The following ATP2B3 variants were observed in gnomAD, a reference collection of about 807,000 sequenced individuals.
The protein encoded by ATP2B3 is plasma membrane calcium-transporting ATPase 3.
ATP2B3 carries 12 observed loss-of-function variants against 70.8 expected under a neutral mutation model. The observed-to-expected ratio is 0.17, with a 90% CI of 0.11 to 0.27. The LOEUF (loss-of-function observed/expected upper bound fraction) is 0.27. Ranked by LOEUF, ATP2B3 falls within the 10% of genes least tolerant of loss-of-function variation. ATP2B3 has a pLI of 1.00. For synonymous variants in ATP2B3, 460 were observed against 497.8 expected, an observed-to-expected ratio of 0.92 and a Z score of 1.01; for missense variants, 858 against 1,118.5, an observed-to-expected ratio of 0.77 and a Z score of 3.32.
At chrX:153,538,185 C>T (rs782724389) in intron 3 of ATP2B3, among the ~76,000 whole-genome samples, 49 of 113,098 alleles carry the variant, frequency 4.3e-4, no homozygotes, top group African/African-American at 1.4e-3. Flanking sequence ...CACCCGGACC[C>T]TGGTGCTCAG....
chrX:153,536,025 C>T, intron 2 of ATP2B3, 97 bp from the exon 3 acceptor site: 1 of 456,583 alleles, frequency 2.2e-6, no homozygotes, highest in Non-Finnish European at 3.9e-6. Context: ...GGTCATGGCA[C>T]AGACTGAGTG....
At chrX:153,537,857 G>C (rs1569533884) in intron 3 of ATP2B3, among the ~76,000 whole-genome samples, 1 of 112,644 alleles carries the variant, frequency 8.9e-6, no homozygotes, top group Non-Finnish European at 1.9e-5. Flanking sequence ...TATTTAAAAT[G>C]TCAAGGCCCC....
At chrX:153,555,185 C>T (rs2090516403) in intron 13 of ATP2B3, among the ~76,000 whole-genome samples, 1 of 110,881 alleles carries the variant, frequency 9.0e-6, no homozygotes, top group Non-Finnish European at 1.9e-5. Flanking sequence ...GAGTGGGGCC[C>T]CCAGCTGTCT....
intron 21 of ATP2B3, chrX:153,569,509 C>T: frequency 9.9e-7 from 1 of 1,006,310 alleles, no homozygotes; most frequent in Non-Finnish European, 1.4e-6. Context: ...ACCCTATGTG[C>T]CCAGTGGTGG....
In ATP2B3 at chrX:153,557,027, A is replaced by G. The variant is rs781870472; in HGVS notation, c.2433+4A>G. ...GGCGGACGTGGGCTTCGCCATGGTA[A>G]GCCACCTGGTGCCCGCCCAGCTCAC... is the stretch of plus-strand genomic sequence containing the variant. On this transcript the variant is annotated splice_donor_region_variant and intron_variant, in intron 16 of 21. Coordinates refer to ENST00000263519, the MANE Select transcript of ATP2B3 (RefSeq NM_001001344.3). 1.7e-6 allele frequency: 2 copies of G among 1,171,991 alleles called. No homozygotes were observed. Among genetic ancestry groups the G allele is most frequent in the African/African-American group, 3.5e-5 (2 of 56,479 alleles).
At position 153,581,349 on chromosome X, in the gene ATP2B3, G is replaced by A; in HGVS notation, c.*1051G>A. Reference sequence around the variant, plus strand: ...GAAAAAACCAAAATATTGATGAGAAGGAGTCCTCCAGTTAGTGAAAGGGGA... The same window carrying A: ...GAAAAAACCAAAATATTGATGAGAAAGAGTCCTCCAGTTAGTGAAAGGGGA... On this transcript the variant is annotated 3_prime_UTR_variant, in exon 22 of 22. Transcript: ENST00000263519. 8.9e-6 allele frequency: 1 copy of A among 112,009 alleles called. No individual in the cohort carries two copies. The highest frequency in any genetic ancestry group is 2.8e-4 in the East Asian group (1 of 3,547). 9.2% of individuals were successfully genotyped at this position (112,009 alleles called of 1,213,427 possible).
In ATP2B3 at chrX:153,549,636, C is replaced by A; in HGVS notation, c.1478C>A (p.Thr493Asn). 8.2e-7 allele frequency: 1 copy of A among 1,212,379 alleles called. No homozygotes were observed. The highest frequency in any genetic ancestry group is 2.3e-4 in the Middle Eastern group (1 of 4,356). The change falls in exon 11 of 22, where the codon ACC (threonine) becomes AAC (asparagine). Residue 493 changes from threonine to asparagine, a missense_variant. Thr to Asn is a moderately conservative substitution (Grantham distance 65). Transcript: ENST00000263519. ...MTVVQSYLGD[T>N]HYKEIPAPSA... ...GTGGTCCAGTCCTACCTAGGAGACA[C>A]CCACTACAAAGAGATTCCGGCCCCC...
chrX:153,568,857 A>G (rs1327882023), intron 21 of ATP2B3, among the ~76,000 whole-genome samples: 2 of 112,564 alleles, frequency 1.8e-5, no homozygotes, highest in Non-Finnish European at 3.8e-5. Context: ...TGGGCTCCAG[A>G]TGCGCACACT....
At position 153,536,336 on chromosome X, in the gene ATP2B3, C is replaced by G; in HGVS notation, c.89C>G (p.Thr30Arg). The G allele has an allele frequency of 8.3e-7, 1 of 1,198,984 alleles. No individual in the cohort carries two copies. The highest frequency in any genetic ancestry group is 1.1e-6 in the Non-Finnish European group (1 of 889,303). Residue 30 changes from threonine to arginine, a missense_variant, in exon 3 of 22, where the codon ACG becomes AGG. Around this residue, in one of 5 missense-constraint regions of ATP2B3, gnomAD observed 278 missense variants for 366.2 expected, o/e 0.76. Transcript: ENST00000263519. ...CCCCAGGCTGGAGGCTTTGGGTGCA[C>G]GCTGGCGGAGCTGCGCACCCTCATG... ...DVPQAGGFGC[T>R]LAELRTLMEL...
intron 21 of ATP2B3, chrX:153,569,842 TC>T: frequency 9.5e-7 from 1 of 1,047,272 alleles, no homozygotes; most frequent in Non-Finnish European, 1.3e-6. Context: ...TCTTTTGCAG[TC>T]TTGCATTCCG....
chrX:153,553,631 G>C (rs2090491708), intron 13 of ATP2B3, among the ~76,000 whole-genome samples: 1 of 112,177 alleles, frequency 8.9e-6, no homozygotes, highest in Non-Finnish European at 1.9e-5. Flanking sequence ...GCGTTTATTG[G>C]TTGAGGGTTT....
At chrX:153,558,896 C>T (rs1603096546) in intron 17 of ATP2B3, among the ~76,000 whole-genome samples, 1 of 111,432 alleles carries the variant, frequency 9.0e-6, no homozygotes, top group African/African-American at 3.3e-5. Context: ...TGAGTTTCTG[C>T]GTGGGCTATG....
At chrX:153,527,338 G>A (rs1176895106) in intron 2 of ATP2B3, among the ~76,000 whole-genome samples, 6 of 112,954 alleles carry the variant, frequency 5.3e-5, no homozygotes, top group African/African-American at 1.6e-4. Flanking sequence ...CAGCCACAGC[G>A]TTTCTAGGTC....
At chrX:153,522,963 C>A (rs1356798982) in intron 2 of ATP2B3, among the ~76,000 whole-genome samples, 2 of 110,833 alleles carry the variant, frequency 1.8e-5, no homozygotes, top group African/African-American at 6.6e-5. Flanking sequence ...CTATAGGAAA[C>A]GTATAAAACA....
intron 14 of ATP2B3, 28 bp downstream of exon 14, chrX:153,556,256 A>AC (rs782182642): frequency 9.6e-5 from 115 of 1,196,676 alleles, no homozygotes; most frequent in Non-Finnish European, 1.0e-4. Context: ...GCCACCCCAG[A>AC]CCCCCCTTCT....
chrX:153,522,585 C>G (rs1038138420), intron 2 of ATP2B3, among the ~76,000 whole-genome samples: 12 of 112,363 alleles, frequency 1.1e-4, no homozygotes, highest in Non-Finnish European at 2.3e-4. Context: ...AGTCCTCACA[C>G]GGACCTAGAC....
At chrX:153,571,657 C>T (rs1415715115) in intron 21 of ATP2B3, among the ~76,000 whole-genome samples, 1 of 112,481 alleles carries the variant, frequency 8.9e-6, no homozygotes, top group Non-Finnish European at 1.9e-5. Context: ...GCCATCTGTC[C>T]CCCTCCTCCC....
chrX:153,530,094 G>C (rs1004728360), intron 2 of ATP2B3, among the ~76,000 whole-genome samples: 3 of 112,411 alleles, frequency 2.7e-5, no homozygotes, highest in African/African-American at 9.7e-5. Flanking sequence ...GGGGTGGGTG[G>C]GTCCTATGGG....
At chrX:153,543,820 G>T (rs899383843) in intron 7 of ATP2B3, among the ~76,000 whole-genome samples, 4 of 112,980 alleles carry the variant, frequency 3.5e-5, no homozygotes, top group Non-Finnish European at 5.6e-5. Context: ...CCTTGCTCTG[G>T]CCTGGACTTG....
Sources: gnomAD v4.1 joint callset for allele counts (sites outside exome capture counted in the v4.1 genomes callset) on GRCh38, gnomAD v4.1.1 for gene constraint, gnomAD v4.1.1 regional missense constraint, MANE v1.5 for transcripts, NCBI Gene and HGNC (gene_info 2026-07-23, HGNC 2026-07-21) for gene names.